The following AGXT2 variants were observed in gnomAD, a reference collection of about 807,000 sequenced individuals.
AGXT2 encodes alanine--glyoxylate aminotransferase 2, mitochondrial.
AGXT2 carries 61 observed loss-of-function variants against 62.5 expected under a neutral mutation model. That is an observed-to-expected ratio of 0.98 (90% CI 0.79 to 1.21). The LOEUF (loss-of-function observed/expected upper bound fraction) is 1.21, where lower values mean the gene tolerates loss of function less well. Among genes scored for constraint, AGXT2 ranks in the 50% most tolerant of loss-of-function variants. The pLI is 0.00. For synonymous variants in AGXT2, 243 were observed against 218.7 expected (o/e 1.11, Z -0.98); for missense variants, 666 against 641.5 (o/e 1.04, Z -0.41).
Position 35,014,030 on chromosome 5 carries a change from C to T in AGXT2, c.1053G>A (p.Gly351=). Reference sequence around the variant, plus strand: ...CTGCCATGGGAAAGCCATTCCCAATCCCTTTAGCCATGGTGACAATGTCAG... The same window carrying T: ...CTGCCATGGGAAAGCCATTCCCAATTCCTTTAGCCATGGTGACAATGTCAG... ...VLPDIVTMAK[G]IGNGFPMAAV... The change falls in exon 10 of 14, where the codon GGG becomes GGA. Residue 351 remains glycine (G), a synonymous_variant. Transcript: ENST00000231420. 1.9e-6 allele frequency: 3 copies of T among 1,614,148 alleles called. No homozygotes were observed. Among genetic ancestry groups the T allele is most frequent in the Middle Eastern group, 1.6e-4 (1 of 6,062 alleles).
intron 4 of AGXT2, among the ~76,000 whole-genome samples, chr5:35,035,853 G>C (rs1357900699): frequency 6.6e-6 from 1 of 152,164 alleles, no homozygotes; most frequent in Non-Finnish European, 1.5e-5. Flanking sequence ...GAGGCGGGCG[G>C]ATCACTTGAG....
chr5:35,041,112 A>G (rs915736589), intron 1 of AGXT2, among the ~76,000 whole-genome samples: 1 of 150,224 alleles, frequency 6.7e-6, no homozygotes, highest in African/African-American at 2.4e-5. Context: ...TACACACGGC[A>G]TTAATGACTG....
intron 11 of AGXT2, 142 bp from the exon 12 acceptor site, chr5:35,010,291 A>C: frequency 3.6e-6 from 4 of 1,098,022 alleles, no homozygotes; most frequent in Non-Finnish European, 5.5e-6. Flanking sequence ...CACAAGGACT[A>C]CAAAAAGATC....
chr5:35,039,535 C>T (rs1220229333), intron 2 of AGXT2, 27 bp from the exon 3 acceptor site: 1 of 1,607,888 alleles, frequency 6.2e-7, no homozygotes, highest in Non-Finnish European at 8.5e-7. Flanking sequence ...TTTAAACCCA[C>T]ACACTTCTTA....
intron 3 of AGXT2, 73 bp from the exon 4 acceptor site, chr5:35,037,138 C>T: frequency 6.2e-7 from 1 of 1,604,090 alleles, no homozygotes; most frequent in South Asian, 1.1e-5. Context: ...GGTCATTGGA[C>T]CCAAATATAC....
intron 9 of AGXT2, among the ~76,000 whole-genome samples, chr5:35,021,260 G>T (rs550344659): frequency 8.5e-5 from 13 of 152,106 alleles, no homozygotes; most frequent in East Asian, 5.8e-4. Flanking sequence ...AGCCCGCTTC[G>T]CCAAGTGAAT....
At chr5:35,033,956 T>C (rs1767675858) in intron 5 of AGXT2, among the ~76,000 whole-genome samples, 1 of 152,190 alleles carries the variant, frequency 6.6e-6, no homozygotes, top group Admixed American at 6.5e-5. Flanking sequence ...TCAATATCTT[T>C]AGGGACTTAC....
intron 12 of AGXT2, among the ~76,000 whole-genome samples, chr5:35,005,857 A>G (rs900014036): frequency 1.4e-5 from 2 of 144,712 alleles, no homozygotes; most frequent in Admixed American, 7.0e-5. Flanking sequence ...TGTTTAAAGA[A>G]TTATAAATTT....
At chr5:35,022,511 G>T (rs1252161716) in intron 9 of AGXT2, among the ~76,000 whole-genome samples, 1 of 146,304 alleles carries the variant, frequency 6.8e-6, no homozygotes, top group Admixed American at 7.0e-5. Context: ...CTCATAGGTG[G>T]GAATTGAACA....
chr5:35,035,132 T>C, intron 5 of AGXT2, 90 bp downstream of exon 5: 1 of 1,134,402 alleles, frequency 8.8e-7, no homozygotes, highest in South Asian at 1.2e-5. Flanking sequence ...AGAAAACCTC[T>C]CTCCCACTCC....
intron 2 of AGXT2, among the ~76,000 whole-genome samples, chr5:35,040,285 T>C (rs1767936252): frequency 6.6e-6 from 1 of 152,236 alleles, no homozygotes; most frequent in South Asian, 2.1e-4. Context: ...TTGTGATGTG[T>C]GTATATCTCC....
Position 35,021,829 on chromosome 5 carries a change from C to A in AGXT2, c.963+3934G>T, listed in dbSNP as rs1288143915. 2.6e-5 allele frequency among the ~76,000 whole-genome samples: 4 copies of A among 152,248 alleles called. 1 individual carries two copies. Among genetic ancestry groups the A allele is most frequent in the African/African-American group, 9.6e-5 (4 of 41,538 alleles). ...AAATTTTCGCAACCTACTCATCTGA[C>A]AAAGGGCTAATATCCAGAATCTACA... On this transcript the variant is annotated intron_variant, in intron 9 of 13. Transcript: ENST00000231420.
At chr5:35,025,236 C>A (rs940327888) in intron 9 of AGXT2, among the ~76,000 whole-genome samples, 4 of 151,260 alleles carry the variant, frequency 2.6e-5, no homozygotes, top group Admixed American at 2.6e-4. Flanking sequence ...ATTAGTCAGG[C>A]TTGGTGGCAC....
At chr5:35,030,535 G>A (rs1469865068) in intron 7 of AGXT2, among the ~76,000 whole-genome samples, 1 of 151,998 alleles carries the variant, frequency 6.6e-6, no homozygotes, top group East Asian at 1.9e-4. Flanking sequence ...AAATAAAAAA[G>A]AAAACAACTG....
At chr5:35,035,626 G>A (rs1767733111) in intron 4 of AGXT2, among the ~76,000 whole-genome samples, 1 of 152,236 alleles carries the variant, frequency 6.6e-6, no homozygotes, top group Non-Finnish European at 1.5e-5. Context: ...GGGGCACGCA[G>A]TGGTGAGTAG....
At chr5:35,018,059 A>C (rs899808135) in intron 9 of AGXT2, among the ~76,000 whole-genome samples, 1 of 152,218 alleles carries the variant, frequency 6.6e-6, no homozygotes, top group African/African-American at 2.4e-5. Context: ...GCCTCCAAGA[A>C]ATATGGGACT....
At chr5:35,030,675 T>C (rs1767531899) in intron 7 of AGXT2, among the ~76,000 whole-genome samples, 1 of 152,190 alleles carries the variant, frequency 6.6e-6, no homozygotes, top group African/African-American at 2.4e-5. Context: ...AGTAGTCCTA[T>C]AGAAGGCCTT....
chr5:35,009,789 A>G (rs1766559567), intron 12 of AGXT2, among the ~76,000 whole-genome samples: 1 of 152,054 alleles, frequency 6.6e-6, no homozygotes, highest in South Asian at 2.1e-4. Context: ...TTCTTTTCCC[A>G]GTGCTCTCCC....
intron 3 of AGXT2, among the ~76,000 whole-genome samples, chr5:35,038,321 C>T (rs1455609022): frequency 6.6e-6 from 1 of 152,180 alleles, no homozygotes; most frequent in Non-Finnish European, 1.5e-5. Context: ...AAGATGGCCT[C>T]CCATTTCCAG....
Sources: gnomAD v4.1 joint callset for allele counts (sites outside exome capture counted in the v4.1 genomes callset) on GRCh38, gnomAD v4.1.1 for gene constraint, MANE v1.5 for transcripts, NCBI Gene and HGNC (gene_info 2026-07-23, HGNC 2026-07-21) for gene names.